Variants in NPEPPS observed in about 807,000 individuals in gnomAD.
NPEPPS encodes the protein aminopeptidase puromycin sensitive.
A neutral mutation model predicts 115.5 loss-of-function variants in NPEPPS; 14 were observed. The observed-to-expected ratio is 0.12, with a 90% CI of 0.08 to 0.19. NPEPPS has a LOEUF of 0.19. Ranked by LOEUF, NPEPPS falls within the 10% of genes least tolerant of loss-of-function variation. The pLI, the probability that NPEPPS is intolerant of heterozygous loss-of-function variation, is 1.00. For synonymous variants in NPEPPS, 285 were observed against 390.6 expected, an observed-to-expected ratio of 0.73 and a Z score of 3.19; for missense variants, 523 against 1,110.8, an observed-to-expected ratio of 0.47 and a Z score of 7.52.
intron 15 of NPEPPS, among the ~76,000 whole-genome samples, chr17:47,603,181 C>G (rs146064212): frequency 0.012 from 1,809 of 152,104 alleles, 41 homozygotes; most frequent in African/African-American, 0.042. Context: ...GAGGCTGAGG[C>G]GCGGCGGATC....
At chr17:47,584,925 TCACGA>T in intron 5 of NPEPPS, among the ~76,000 whole-genome samples, 1 of 152,170 alleles carries the variant, frequency 6.6e-6, no homozygotes, top group East Asian at 1.9e-4. Flanking sequence ...CCTCCCTAGT[TCACGA>T]CATTCTCCTG....
rs183708524 is a variant in NPEPPS at position 47,618,881 on chromosome 17, C to T, written c.2404-128C>T. ...TCTTCTTTGCTGAGAACTTCTGGTT[C>T]CAGTTATTCCTAAAACAAGGAATAA... On this transcript the variant is annotated intron_variant, in intron 20 of 22. Transcript: ENST00000322157. 6.0e-6 allele frequency: 5 copies of T among 827,238 alleles called. No homozygotes were observed. In the East Asian group the frequency reaches 7.5e-5, roughly 12 times the overall value. 51.2% of individuals were successfully genotyped at this position (827,238 alleles called of 1,614,324 possible).
At chr17:47,558,413 C>A (rs1910203587) in intron 2 of NPEPPS, among the ~76,000 whole-genome samples, 1 of 149,370 alleles carries the variant, frequency 6.7e-6, no homozygotes, top group Non-Finnish European at 1.5e-5. Flanking sequence ...CAGGCCTGAG[C>A]CACCACACCT....
chr17:47,554,935 C>G (rs2143749563), intron 2 of NPEPPS, among the ~76,000 whole-genome samples: 1 of 152,284 alleles, frequency 6.6e-6, no homozygotes, highest in East Asian at 1.9e-4. Context: ...GATTTCATCA[C>G]ACTATTCAGA....
At chr17:47,543,525 C>G (rs1908942212) in intron 1 of NPEPPS, among the ~76,000 whole-genome samples, 1 of 148,450 alleles carries the variant, frequency 6.7e-6, no homozygotes, top group Non-Finnish European at 1.5e-5. Context: ...TGGGGTTTCA[C>G]CATGTTGGTC....
At chr17:47,569,583 C>T (rs1597847826) in intron 3 of NPEPPS, 89 bp downstream of exon 3, 7 of 782,984 alleles carry the variant, frequency 8.9e-6, no homozygotes, top group Middle Eastern at 2.3e-4. Flanking sequence ...CATTTTTCCC[C>T]TCATTGTTAT....
intron 1 of NPEPPS, among the ~76,000 whole-genome samples, chr17:47,541,416 G>C (rs1908755289): frequency 6.7e-6 from 1 of 150,030 alleles, no homozygotes; most frequent in South Asian, 2.1e-4. Context: ...TGCTTTTGTC[G>C]CCCAGGTTGG....
chr17:47,598,476 A>G (rs1006593164), intron 13 of NPEPPS, among the ~76,000 whole-genome samples: 1 of 151,832 alleles, frequency 6.6e-6, no homozygotes, highest in African/African-American at 2.4e-5. Flanking sequence ...ACCATGTATT[A>G]AAAAACAAAC....
At chr17:47,558,625 C>T (rs1910220767) in intron 2 of NPEPPS, among the ~76,000 whole-genome samples, 2 of 152,168 alleles carry the variant, frequency 1.3e-5, no homozygotes, top group Non-Finnish European at 1.5e-5. Context: ...GATGGGGTTT[C>T]ACCATGTTGG....
intron 19 of NPEPPS, among the ~76,000 whole-genome samples, chr17:47,614,002 G>T (rs529891464): frequency 6.6e-6 from 1 of 150,708 alleles, no homozygotes; most frequent in Non-Finnish European, 1.5e-5. Flanking sequence ...TTGAGACAAG[G>T]TCTCACTCTG....
rs578200002 is a variant in NPEPPS, at chr17:47,571,308, A to G, written c.418+1814A>G. On this transcript the variant is annotated intron_variant, in intron 3 of 22. Coordinates refer to ENST00000322157, the MANE Select transcript of NPEPPS (RefSeq NM_006310.4). ...TTATATCTTTTGTCTGATTTTCACA[A>G]TTTTCCTACTGAGAATCTATTGAAT... is the stretch of plus-strand genomic sequence containing the variant. Among the ~76,000 whole-genome samples, 522 of 152,204 alleles carry G rather than the reference A, an allele frequency of 3.4e-3. 2 individuals are homozygous for G. The highest frequency in any genetic ancestry group is 5.6e-3 in the Non-Finnish European group (381 of 68,000).
intron 2 of NPEPPS, among the ~76,000 whole-genome samples, chr17:47,550,768 AG>A (rs1296200223): frequency 6.6e-6 from 1 of 151,724 alleles, no homozygotes; most frequent in Non-Finnish European, 1.5e-5. Flanking sequence ...CTGGGATCAC[AG>A]GTGTGCACCA....
At position 47,576,440 on chromosome 17, in the gene NPEPPS, C is replaced by T. The variant is rs565630787; in HGVS notation, c.419-2950C>T. Among the ~76,000 whole-genome samples, 8 of 152,190 alleles carry T rather than the reference C, an allele frequency of 5.3e-5. No individual in the cohort carries two copies. The East Asian group carries it at 7.7e-4, about 15-fold the overall frequency. ...CCGGGAGCCGAAGGTTGCAGTGAGC[C>T]GAGATTGCACCACTGCACTTTAGCC... On this transcript the variant is annotated intron_variant, in intron 3 of 22. Transcript: ENST00000322157.
At chr17:47,581,712 T>TTTGTTTGTGTG (rs1911888856) in intron 4 of NPEPPS, 1 of 123,206 alleles carries the variant, frequency 8.1e-6, no homozygotes, top group Admixed American at 8.6e-5. Context: ...TTGTTTGTTT[T>TTTGTTTGTGTG]TTAGTCGGAG....
At chr17:47,615,070 TTTC>T (rs1914111152) in intron 19 of NPEPPS, among the ~76,000 whole-genome samples, 1 of 118,892 alleles carries the variant, frequency 8.4e-6, no homozygotes, top group African/African-American at 3.1e-5. Flanking sequence ...GTTTACTTTC[TTTC>T]TTTTTTTTTT....
chr17:47,535,911 A>G (rs1371953056), intron 1 of NPEPPS, among the ~76,000 whole-genome samples: 1 of 138,298 alleles, frequency 7.2e-6, no homozygotes, highest in East Asian at 2.1e-4. Flanking sequence ...ATCTTGGCTC[A>G]CTGCAGCCTC....
upstream of NPEPPS, among the ~76,000 whole-genome samples, chr17:47,530,085 C>G (rs1003572692): frequency 7.7e-6 from 1 of 130,642 alleles, no homozygotes; most frequent in African/African-American, 2.8e-5. Context: ...AACAGGCGCC[C>G]GCCACCAAGC....
intron 19 of NPEPPS, among the ~76,000 whole-genome samples, chr17:47,616,661 G>A (rs1914220178): frequency 6.6e-6 from 1 of 151,092 alleles, no homozygotes; most frequent in Non-Finnish European, 1.5e-5. Context: ...TCCAGCCTGG[G>A]TGACAGAGTA....
At position 47,605,333 on chromosome 17, in the gene NPEPPS, G is replaced by A; in HGVS notation, c.1876G>A (p.Ala626Thr). Residue 626 changes from alanine (A) to threonine (T), a missense_variant and splice_region_variant, in exon 17 of 23, where the codon GCT becomes ACT. By Grantham distance (58) the Ala-to-Thr change is moderately conservative (BLOSUM62 0). Coordinates refer to ENST00000322157, the MANE Select transcript of NPEPPS (RefSeq NM_006310.4). ...TAATTTATGTTTTTTCCTATCCCAG[G>A]CTCGAGCTGGAATCATTAGCACTGT... ...LGLQNDLFSL[A>T]RAGIISTVEV... The A allele has an allele frequency of 6.3e-7, 1 of 1,591,550 alleles. No individual in the cohort carries two copies. Among genetic ancestry groups the A allele is most frequent in the Non-Finnish European group, 8.5e-7 (1 of 1,170,716 alleles).
Sources: gnomAD v4.1 joint callset for allele counts (sites outside exome capture counted in the v4.1 genomes callset) on GRCh38, gnomAD v4.1.1 for gene constraint, MANE v1.5 for transcripts, NCBI Gene and HGNC (gene_info 2026-07-23, HGNC 2026-07-21) for gene names.